Variants in ZNRF2 observed in about 807,000 individuals in gnomAD.
ZNRF2 encodes zinc and ring finger 2.
In ZNRF2, 16 loss-of-function variants were observed where a neutral mutation model predicts 20.4. That is an observed-to-expected ratio of 0.79 (90% confidence interval 0.53 to 1.19). ZNRF2 has a LOEUF of 1.19. Ranked by LOEUF, ZNRF2 falls within the 50% of genes most tolerant of loss-of-function variation. ZNRF2 has a pLI of 0.00. For synonymous variants in ZNRF2, 178 were observed against 144.9 expected (o/e 1.23, Z -1.64); for missense variants, 363 against 332.4 (o/e 1.09, Z -0.72).
chr7:30,336,353 G>T (rs1799716372), intron 2 of ZNRF2, among the ~76,000 whole-genome samples: 1 of 152,070 alleles, frequency 6.6e-6, no homozygotes, highest in Admixed American at 6.6e-5. Flanking sequence ...TATCTTCTCA[G>T]CCACTGAGTA....
intron 1 of ZNRF2, among the ~76,000 whole-genome samples, chr7:30,293,083 C>A (rs568593282): frequency 1.7e-3 from 263 of 152,092 alleles, no homozygotes; most frequent in Admixed American, 3.9e-3. Context: ...TTCTGCATAT[C>A]CCGTGTTTTG....
chr7:30,347,520 A>G (rs1054450177), intron 2 of ZNRF2, among the ~76,000 whole-genome samples: 2 of 152,136 alleles, frequency 1.3e-5, no homozygotes, highest in African/African-American at 4.8e-5. Flanking sequence ...CCTTTTCCCA[A>G]ATCAATGTGT....
At chr7:30,345,698 A>T (rs1799865696) in intron 2 of ZNRF2, among the ~76,000 whole-genome samples, 1 of 151,896 alleles carries the variant, frequency 6.6e-6, no homozygotes, top group African/African-American at 2.4e-5. Flanking sequence ...TGGTTATTTT[A>T]TTCTGTCAGA....
At chr7:30,361,585 A>G (rs1423926465) in intron 3 of ZNRF2, among the ~76,000 whole-genome samples, 3 of 152,212 alleles carry the variant, frequency 2.0e-5, no homozygotes, top group Admixed American at 6.5e-5. Flanking sequence ...TTTTTCACCT[A>G]TCATGGTACT....
intron 2 of ZNRF2, among the ~76,000 whole-genome samples, chr7:30,338,217 A>G (rs1485267194): frequency 6.6e-6 from 1 of 151,414 alleles, no homozygotes; most frequent in Admixed American, 6.6e-5. Flanking sequence ...ATCAGGGATT[A>G]TGTACATTTC....
At chr7:30,349,377 T>TAC (rs1029980027) in intron 2 of ZNRF2, among the ~76,000 whole-genome samples, 1 of 152,140 alleles carries the variant, frequency 6.6e-6, no homozygotes, top group Non-Finnish European at 1.5e-5. Context: ...TATTACCACT[T>TAC]AAGATTGCAG....
intron 1 of ZNRF2, among the ~76,000 whole-genome samples, chr7:30,302,044 T>TTACTTCACAGAAAACTGAAGTCTG (rs1799125815): frequency 6.6e-6 from 1 of 152,234 alleles, no homozygotes; most frequent in Non-Finnish European, 1.5e-5. Flanking sequence ...ACTGATACGC[T>TTACTTCACAGAAAACTGAAGTCTG]TACTTCACAG....
At position 30,362,441 on chromosome 7, in the gene ZNRF2, G is replaced by A; in HGVS notation, c.*7G>A. 1.9e-6 allele frequency: 3 copies of A among 1,595,114 alleles called. No homozygotes were observed. The highest frequency in any genetic ancestry group is 1.1e-5 in the South Asian group (1 of 87,446). The stretch of plus-strand genomic sequence containing the variant: ...TGAGCACCCTTCAGATTAAGCGTCA[G>A]CTTCCTGTTTTATAGGTAATTTTTT... On this transcript the variant is annotated 3_prime_UTR_variant, in exon 4 of 5. Transcript: ENST00000323037.
In ZNRF2 at chr7:30,285,480, T is replaced by C. The variant is rs2128052955; in HGVS notation, c.123T>C (p.Ala41=). ...GGACCGCGGGCGGCGGCGGGGGCGC[T>C]CGGGCCGCCGCCGCGGGGAGGTTCC... ...ANGTAGGGGG[A]RAAAAGRFPA... Residue 41 remains alanine, a synonymous_variant, in exon 1 of 5, where the codon GCT becomes GCC. Coordinates refer to ENST00000323037, the MANE Select transcript of ZNRF2 (RefSeq NM_147128.4). 1.8e-6 allele frequency: 2 copies of C among 1,089,714 alleles called. No homozygotes were observed. The highest frequency in any genetic ancestry group is 5.8e-5 in the Admixed American group (1 of 17,314). The allele number at this position is 1,089,714 out of a possible 1,614,324, so 67.5% of individuals were successfully genotyped here.
At chr7:30,325,143 AAGT>A (rs1187842103) in intron 2 of ZNRF2, among the ~76,000 whole-genome samples, 4 of 152,208 alleles carry the variant, frequency 2.6e-5, no homozygotes, top group African/African-American at 9.6e-5. Context: ...GGGAAAAATC[AAGT>A]AGTTCTGTCC....
intron 3 of ZNRF2, among the ~76,000 whole-genome samples, chr7:30,356,642 A>T (rs554883350): frequency 5.0e-4 from 76 of 152,178 alleles, no homozygotes; most frequent in African/African-American, 1.7e-3. Flanking sequence ...ACTTTACAGC[A>T]AAAAGCATTA....
chr7:30,342,031 A>G (rs1431550461), intron 2 of ZNRF2, among the ~76,000 whole-genome samples: 1 of 149,476 alleles, frequency 6.7e-6, no homozygotes, highest in Non-Finnish European at 1.5e-5. Flanking sequence ...TATCAGAGAC[A>G]AGGATTTCAA....
intron 2 of ZNRF2, among the ~76,000 whole-genome samples, chr7:30,344,514 T>C (rs1286455745): frequency 1.3e-5 from 2 of 152,194 alleles, no homozygotes; most frequent in African/African-American, 4.8e-5. Context: ...TACTTCTCTT[T>C]GCTTTGTTAG....
intron 1 of ZNRF2, among the ~76,000 whole-genome samples, chr7:30,322,564 G>A (rs1385790300): frequency 1.3e-5 from 2 of 152,004 alleles, no homozygotes; most frequent in Admixed American, 6.6e-5. Context: ...CACCTGAGCC[G>A]TCATGGACAC....
chr7:30,302,948 G>T (rs1799142043), intron 1 of ZNRF2, among the ~76,000 whole-genome samples: 1 of 152,190 alleles, frequency 6.6e-6, no homozygotes, highest in Non-Finnish European at 1.5e-5. Flanking sequence ...GAAGACTTCA[G>T]TAACGGAGCA....
Position 30,362,429 on chromosome 7 carries a change from G to C in ZNRF2, c.724G>C (p.Asp242His). The change falls in exon 4 of 5, where the codon GAT (aspartate) becomes CAT (histidine). Residue 242 changes from aspartate to histidine, a missense_variant. Asp to His is a moderately conservative substitution (Grantham distance 81). Coordinates refer to ENST00000323037, the MANE Select transcript of ZNRF2 (RefSeq NM_147128.4). ...TAGATCTTGCCCTGAGCACCCTTCA[G>C]ATTAAGCGTCAGCTTCCTGTTTTAT... is the stretch of plus-strand genomic sequence containing the variant. The part of the protein sequence containing the change: ...VNRSCPEHPS[D>H] 2 of 1,598,082 alleles carry C rather than the reference G, an allele frequency of 1.3e-6. No homozygotes were observed. Among genetic ancestry groups the C allele is most frequent in the Non-Finnish European group, 1.7e-6 (2 of 1,169,902 alleles).
intron 2 of ZNRF2, among the ~76,000 whole-genome samples, chr7:30,328,198 A>G (rs111873164): frequency 8.5e-5 from 13 of 152,342 alleles, no homozygotes; most frequent in Non-Finnish European, 1.9e-4. Context: ...GGCTCCTTTA[A>G]TACCTCATAA....
At chr7:30,342,675 C>T (rs1297851944) in intron 2 of ZNRF2, among the ~76,000 whole-genome samples, 1 of 151,936 alleles carries the variant, frequency 6.6e-6, no homozygotes, top group Non-Finnish European at 1.5e-5. Context: ...CTTAGGTATG[C>T]GTTTTCTGAG....
At chr7:30,324,791 T>G (rs143598871) in intron 2 of ZNRF2, among the ~76,000 whole-genome samples, 6 of 152,266 alleles carry the variant, frequency 3.9e-5, no homozygotes, top group African/African-American at 1.4e-4. Flanking sequence ...GTAAGCATGG[T>G]TGAAATTGCA....
Sources: gnomAD v4.1 joint callset for allele counts (sites outside exome capture counted in the v4.1 genomes callset) on GRCh38, gnomAD v4.1.1 for gene constraint, MANE v1.5 for transcripts, NCBI Gene and HGNC (gene_info 2026-07-23, HGNC 2026-07-21) for gene names.